The following XKR6 variants were observed in gnomAD, a reference collection of about 807,000 sequenced individuals.
XKR6 encodes the protein XK related 6.
Under a neutral mutation model 56.7 loss-of-function variants are expected in XKR6, and 22 were observed. That is an observed-to-expected ratio of 0.39 (90% confidence interval 0.28 to 0.55). The LOEUF (loss-of-function observed/expected upper bound fraction) is 0.55. Among genes scored for constraint, XKR6 ranks in the 20% least tolerant of loss-of-function variants. XKR6 has a pLI of 0.66. For synonymous variants in XKR6, 524 were observed against 387.8 expected (o/e 1.35, Z -4.13); for missense variants, 852 against 889.0 (o/e 0.96, Z 0.53).
intron 2 of XKR6, among the ~76,000 whole-genome samples, chr8:10,912,343 TG>T (rs1800413401): frequency 1.3e-5 from 1 of 78,850 alleles, no homozygotes; most frequent in Non-Finnish European, 2.5e-5. Flanking sequence ...TATATATATA[TG>T]GAGAGAGAGA....
At chr8:10,961,622 C>T (rs547129544) in intron 1 of XKR6, among the ~76,000 whole-genome samples, 54 of 152,334 alleles carry the variant, frequency 3.5e-4, no homozygotes, top group African/African-American at 1.3e-3. Context: ...ACATGGGTGG[C>T]AAACACAGAC....
intron 1 of XKR6, among the ~76,000 whole-genome samples, chr8:10,939,916 G>A (rs1230053414): frequency 6.6e-6 from 1 of 152,238 alleles, no homozygotes; most frequent in East Asian, 1.9e-4. Context: ...GGGGTCCACA[G>A]CAGCCAGCCT....
At chr8:11,060,703 C>T (rs953053036) in intron 1 of XKR6, among the ~76,000 whole-genome samples, 1 of 152,228 alleles carries the variant, frequency 6.6e-6, no homozygotes, top group Admixed American at 6.5e-5. Context: ...TATTCAATGC[C>T]TGCCTACTAG....
intron 1 of XKR6, among the ~76,000 whole-genome samples, chr8:10,928,753 A>G (rs186483551): frequency 3.9e-5 from 6 of 152,254 alleles, no homozygotes; most frequent in Non-Finnish European, 7.4e-5. Context: ...GAGACTCAGG[A>G]TTGGCTGCCA....
intron 1 of XKR6, among the ~76,000 whole-genome samples, chr8:11,070,997 G>A (rs1289631831): frequency 6.6e-6 from 1 of 152,216 alleles, no homozygotes; most frequent in Admixed American, 6.5e-5. Flanking sequence ...ATAGTCACTG[G>A]CACACAGTGG....
intron 1 of XKR6, among the ~76,000 whole-genome samples, chr8:10,977,371 T>C (rs78308257): frequency 0.019 from 2,949 of 151,956 alleles, 102 homozygotes; most frequent in African/African-American, 0.067. Flanking sequence ...ATGTGGAGAA[T>C]GACAAATTCC....
intron 1 of XKR6, among the ~76,000 whole-genome samples, chr8:11,122,339 C>A (rs552122215): frequency 1.2e-4 from 19 of 152,374 alleles, no homozygotes; most frequent in African/African-American, 4.3e-4. Context: ...TTTTACTTTA[C>A]AGATCTCATA....
intron 1 of XKR6, among the ~76,000 whole-genome samples, chr8:11,195,773 T>C (rs920817825): frequency 6.6e-6 from 1 of 151,670 alleles, no homozygotes; most frequent in East Asian, 1.9e-4. Context: ...CTCGGCCTCC[T>C]GAGTAGCTGG....
intron 1 of XKR6, among the ~76,000 whole-genome samples, chr8:11,073,857 A>C (rs572280731): frequency 6.6e-6 from 1 of 152,194 alleles, no homozygotes; most frequent in Non-Finnish European, 1.5e-5. Context: ...GAGGCCGACT[A>C]TTCAATCTGG....
chr8:11,003,662 G>T (rs1329148380), intron 1 of XKR6, among the ~76,000 whole-genome samples: 1 of 152,232 alleles, frequency 6.6e-6, no homozygotes, highest in Non-Finnish European at 1.5e-5. Flanking sequence ...AAGCCATGCA[G>T]CCTGCTCAAA....
Position 11,099,659 on chromosome 8 carries a change from A to G in XKR6, c.764+100917T>C, listed in dbSNP as rs74611516. ...GAAGGATTTACTCATTCACTCGCTC[A>G]AATATTATATAGGTATTGAATTTCT... On this transcript the variant is annotated intron_variant, in intron 1 of 2. Coordinates refer to ENST00000416569, the MANE Select transcript of XKR6 (RefSeq NM_173683.4). 2.5e-3 allele frequency among the ~76,000 whole-genome samples: 385 copies of G among 152,358 alleles called. 1 individual carries two copies. Among genetic ancestry groups the G allele is most frequent in the African/African-American group, 9.1e-3 (377 of 41,576 alleles).
intron 1 of XKR6, among the ~76,000 whole-genome samples, chr8:10,939,748 G>A (rs546082082): frequency 2.6e-5 from 4 of 152,318 alleles, no homozygotes; most frequent in East Asian, 1.9e-4. Context: ...CAGGGGCCTC[G>A]CCCACCTTCA....
intron 2 of XKR6, among the ~76,000 whole-genome samples, chr8:10,901,544 A>G (rs1800036442): frequency 6.6e-6 from 1 of 152,178 alleles, no homozygotes; most frequent in Non-Finnish European, 1.5e-5. Context: ...TCCATTAAAC[A>G]TCCTCATGAC....
intron 1 of XKR6, among the ~76,000 whole-genome samples, chr8:11,199,300 G>A (rs904127379): frequency 6.6e-6 from 1 of 152,312 alleles, no homozygotes; most frequent in East Asian, 1.9e-4. Context: ...CTCATGATTT[G>A]ACTTAATTCA....
intron 1 of XKR6, among the ~76,000 whole-genome samples, chr8:11,038,786 C>A (rs1418385079): frequency 6.6e-6 from 1 of 152,106 alleles, no homozygotes; most frequent in Non-Finnish European, 1.5e-5. Flanking sequence ...AGTGATCCTT[C>A]CACCTGAGAC....
chr8:10,959,888 A>C (rs1465216715), intron 1 of XKR6, among the ~76,000 whole-genome samples: 1 of 152,194 alleles, frequency 6.6e-6, no homozygotes, highest in African/African-American at 2.4e-5. Context: ...CTCCTTCCAA[A>C]CATGAGTTTC....
intron 1 of XKR6, among the ~76,000 whole-genome samples, chr8:11,031,624 C>A (rs1798995152): frequency 6.6e-6 from 1 of 152,162 alleles, no homozygotes; most frequent in African/African-American, 2.4e-5. Context: ...CTTAGCTGGG[C>A]CAGGGAAGGA....
In XKR6 at chr8:10,898,365, C is replaced by T; in HGVS notation, c.1513G>A (p.Ala505Thr). Residue 505 changes from alanine to threonine, a missense_variant, in exon 3 of 3, where the codon GCT (alanine) becomes ACT (threonine). Transcript: ENST00000416569. This position sits in a 1 kb window ranked among gnomAD's most constrained non-coding sequence, Gnocchi z 6.6. Reference protein sequence around the residue: ...YGVLHPTGPRAKILASSCCAE... With the variant: ...YGVLHPTGPRTKILASSCCAE... ...CAACAGGAGCTGGCAAGGATCTTAG[C>T]TCGTGGTCCTGTGGGATGCAGCACG... 1 of 1,614,044 alleles carries T rather than the reference C, an allele frequency of 6.2e-7. No individual in the cohort carries two copies. Among genetic ancestry groups the T allele is most frequent in the Non-Finnish European group, 8.5e-7 (1 of 1,179,992 alleles).
At chr8:11,107,211 T>A (rs58023955) in intron 1 of XKR6, among the ~76,000 whole-genome samples, 6,847 of 149,734 alleles carry the variant, frequency 0.046, 510 homozygotes, top group African/African-American at 0.16. Flanking sequence ...TTTTTTTTTT[T>A]AAATAAGAGA....
Sources: allele counts gnomAD v4.1 joint callset (sites outside exome capture counted in the v4.1 genomes callset), GRCh38; gene constraint gnomAD v4.1.1; non-coding constraint Gnocchi (gnomAD v3.1); transcripts MANE v1.5; gene names NCBI Gene and HGNC (gene_info 2026-07-23, HGNC 2026-07-21).